GPR15LG: variants seen among roughly 807,000 people sequenced by gnomAD.
The protein encoded by GPR15LG is protein GPR15LG.
the GPR15LG span, among the ~76,000 whole-genome samples, chr10:84,178,851 A>G: frequency 6.6e-6 from 1 of 152,240 alleles, no homozygotes; most frequent in Non-Finnish European, 1.5e-5. Context: ...TAGAACAAGA[A>G]GAGCAAAACA....
At chr10:84,175,362 C>A in the GPR15LG span, among the ~76,000 whole-genome samples, 1 of 152,198 alleles carries the variant, frequency 6.6e-6, no homozygotes, top group East Asian at 1.9e-4. Context: ...TACCTTCCCC[C>A]ATAAAGTTTC....
chr10:84,182,761 A>G, the GPR15LG span, among the ~76,000 whole-genome samples: 1 of 152,188 alleles, frequency 6.6e-6, no homozygotes, highest in African/African-American at 2.4e-5. Flanking sequence ...GATGGGAGAA[A>G]CTGCAAAGGA....
the GPR15LG span, chr10:84,184,790 C>G: frequency 6.2e-6 from 10 of 1,613,320 alleles, no homozygotes; most frequent in Non-Finnish European, 8.5e-6. Context: ...AGACTCCAGA[C>G]AGCGGAGAAC....
At chr10:84,180,912 C>T in the GPR15LG span, among the ~76,000 whole-genome samples, 9 of 152,220 alleles carry the variant, frequency 5.9e-5, no homozygotes, top group Non-Finnish European at 1.2e-4. Context: ...TGGCGAAACC[C>T]CGTCTCCACC....
chr10:84,174,905 G>A, the GPR15LG span, among the ~76,000 whole-genome samples: 3 of 152,112 alleles, frequency 2.0e-5, no homozygotes, highest in Non-Finnish European at 4.4e-5. Flanking sequence ...AAACTTTTGG[G>A]TGGGGGGAGC....
chr10:84,184,514 T>C, the GPR15LG span, among the ~76,000 whole-genome samples: 1 of 152,266 alleles, frequency 6.6e-6, no homozygotes, highest in East Asian at 1.9e-4. Flanking sequence ...AAGCCCCTTC[T>C]GGGCCTCCAG....
At chr10:84,175,784 G>A in the GPR15LG span, among the ~76,000 whole-genome samples, 1 of 152,184 alleles carries the variant, frequency 6.6e-6, no homozygotes, top group African/African-American at 2.4e-5. Context: ...AGGATCACAG[G>A]CATGAGCCAC....
At chr10:84,183,309 G>C in the GPR15LG span, among the ~76,000 whole-genome samples, 12 of 152,086 alleles carry the variant, frequency 7.9e-5, no homozygotes, top group African/African-American at 2.9e-4. Context: ...GATAGATTCA[G>C]GCTTTGAATT....
At chr10:84,178,872 T>C in the GPR15LG span, among the ~76,000 whole-genome samples, 3 of 152,206 alleles carry the variant, frequency 2.0e-5, no homozygotes, top group African/African-American at 7.2e-5. Context: ...AACATATGTA[T>C]TGGGTCCTTG....
the GPR15LG span, among the ~76,000 whole-genome samples, chr10:84,179,743 G>A: frequency 2.0e-5 from 3 of 152,184 alleles, no homozygotes; most frequent in African/African-American, 7.2e-5. Flanking sequence ...CAGCACTGTG[G>A]TAGGCCCATG....
the GPR15LG span, among the ~76,000 whole-genome samples, chr10:84,182,524 G>A: frequency 2.0e-5 from 3 of 152,208 alleles, no homozygotes; most frequent in African/African-American, 7.2e-5. Context: ...GGTCTCGGTT[G>A]GAACAACTAG....
the GPR15LG span, among the ~76,000 whole-genome samples, chr10:84,179,877 C>CTT: frequency 0.032 from 4,268 of 132,298 alleles, 204 homozygotes; most frequent in African/African-American, 0.11. Context: ...TTTAAAAAGG[C>CTT]TTTTTTTTTT....
At chr10:84,182,674 T>G in the GPR15LG span, among the ~76,000 whole-genome samples, 2 of 152,250 alleles carry the variant, frequency 1.3e-5, no homozygotes, top group African/African-American at 2.4e-5. Flanking sequence ...CCTTCATCTC[T>G]ACCACATTCA....
chr10:84,177,997 C>T, the GPR15LG span, among the ~76,000 whole-genome samples: 5 of 152,064 alleles, frequency 3.3e-5, no homozygotes, highest in Non-Finnish European at 4.4e-5. Flanking sequence ...TAGATACACA[C>T]CACACAACCA....
At chr10:84,181,202 G>GCCTGGGCTCAGCATCA in the GPR15LG span, among the ~76,000 whole-genome samples, 1 of 149,952 alleles carries the variant, frequency 6.7e-6, no homozygotes, top group African/African-American at 2.5e-5. Context: ...AGAGGGAGAG[G>GCCTGGGCTCAGCATCA]GAGAGGGAGA....
the GPR15LG span, among the ~76,000 whole-genome samples, chr10:84,179,646 G>A: frequency 3.5e-4 from 53 of 152,284 alleles, no homozygotes; most frequent in Middle Eastern, 3.4e-3. Flanking sequence ...GTGTTCCTGA[G>A]CCAACAACAC....
chr10:84,180,720 G>A, the GPR15LG span, among the ~76,000 whole-genome samples: 1 of 152,210 alleles, frequency 6.6e-6, no homozygotes, highest in Non-Finnish European at 1.5e-5. Context: ...CAGCACTTTG[G>A]GAGGCCAAGG....
the GPR15LG span, chr10:84,184,633 G>C: frequency 2.5e-6 from 4 of 1,593,148 alleles, no homozygotes; most frequent in South Asian, 1.1e-5. Context: ...CTCTGACCTC[G>C]CCATCTTCCT....
the GPR15LG span, chr10:84,173,912 T>G: frequency 6.2e-7 from 1 of 1,612,484 alleles, no homozygotes; most frequent in Non-Finnish European, 8.5e-7. Context: ...CTCCATCTTC[T>G]CCACAGAAGG....
Sources: gnomAD v4.1 joint callset for allele counts (sites outside exome capture counted in the v4.1 genomes callset) on GRCh38, gnomAD v4.1.1 for gene constraint, MANE v1.5 for transcripts, NCBI Gene and HGNC (gene_info 2026-07-23, HGNC 2026-07-21) for gene names.